Variants in SYN3 observed in about 807,000 individuals in gnomAD.
SYN3 encodes synapsin III.
Under a neutral mutation model 65.8 loss-of-function variants are expected in SYN3, and 35 were observed. The ratio of observed to expected loss-of-function variants is 0.53; its 90% CI spans 0.41 to 0.70. The LOEUF is 0.70. Ranked by LOEUF, SYN3 falls within the 30% of genes least tolerant of loss-of-function variation. The pLI is 0.00. For synonymous variants in SYN3, 270 were observed against 292.9 expected, an observed-to-expected ratio of 0.92 and a Z score of 0.80; for missense variants, 680 against 749.0, an observed-to-expected ratio of 0.91 and a Z score of 1.08.
At chr22:32,865,915 T>C (rs1038416633) in intron 5 of SYN3, among the ~76,000 whole-genome samples, 3 of 151,944 alleles carry the variant, frequency 2.0e-5, no homozygotes, top group Non-Finnish European at 4.4e-5. Flanking sequence ...GCAGACGACA[T>C]AAGAGAAGGA....
intron 3 of SYN3, among the ~76,000 whole-genome samples, chr22:32,961,808 G>A (rs940615718): frequency 6.6e-6 from 1 of 152,228 alleles, no homozygotes; most frequent in Admixed American, 6.5e-5. Flanking sequence ...TACATCCAAA[G>A]TTCCCTTAGT....
intron 6 of SYN3, chr22:32,802,237 G>A (rs1432243188): frequency 7.0e-7 from 1 of 1,424,044 alleles, no homozygotes; most frequent in East Asian, 2.7e-5. Context: ...GGGGCAGACG[G>A]GGTTGGGGCG....
chr22:32,533,624 C>T (rs565211508), intron 10 of SYN3, among the ~76,000 whole-genome samples, 169 bp downstream of exon 10: 1 of 152,296 alleles, frequency 6.6e-6, no homozygotes, highest in African/African-American at 2.4e-5. Context: ...CCTTTCGATG[C>T]CTCTGAGGGT....
intron 6 of SYN3, among the ~76,000 whole-genome samples, chr22:32,825,828 A>G (rs1206703983): frequency 6.6e-6 from 1 of 152,126 alleles, no homozygotes. Context: ...ACATTTCTGT[A>G]TCTATGCAAT....
intron 6 of SYN3, among the ~76,000 whole-genome samples, chr22:32,770,390 C>T (rs2045737089): frequency 6.6e-6 from 1 of 152,150 alleles, no homozygotes; most frequent in Admixed American, 6.5e-5. Flanking sequence ...AAAATAAACT[C>T]CTTACCATGA....
intron 3 of SYN3, among the ~76,000 whole-genome samples, chr22:32,964,984 C>A (rs1472091343): frequency 2.0e-5 from 3 of 152,080 alleles, no homozygotes; most frequent in Non-Finnish European, 4.4e-5. Context: ...TCGATCAGTC[C>A]CCATTCAACA....
At chr22:32,523,199 C>T (rs376938822) in intron 12 of SYN3, among the ~76,000 whole-genome samples, 1 of 152,162 alleles carries the variant, frequency 6.6e-6, no homozygotes, top group Non-Finnish European at 1.5e-5. Flanking sequence ...TTTTTGGGTG[C>T]CATGAACCAC....
chr22:32,999,391 T>C (rs985704519), intron 2 of SYN3, among the ~76,000 whole-genome samples: 3 of 151,988 alleles, frequency 2.0e-5, no homozygotes, highest in Non-Finnish European at 1.5e-5. Context: ...TCCTGCAGAA[T>C]AAACAGGACA....
At chr22:32,923,141 T>A (rs1440307353) in intron 4 of SYN3, among the ~76,000 whole-genome samples, 1 of 152,138 alleles carries the variant, frequency 6.6e-6, no homozygotes, top group Admixed American at 6.5e-5. Flanking sequence ...ACCGTATAAT[T>A]TCCCAGTCTA....
chr22:32,943,821 T>C (rs1484996388), intron 3 of SYN3, among the ~76,000 whole-genome samples: 2 of 152,172 alleles, frequency 1.3e-5, no homozygotes, highest in Non-Finnish European at 2.9e-5. Flanking sequence ...AAACAGACTT[T>C]AAACCGGCAA....
intron 1 of SYN3, among the ~76,000 whole-genome samples, chr22:33,026,101 G>T (rs1213899102): frequency 6.6e-6 from 1 of 152,174 alleles, no homozygotes; most frequent in Non-Finnish European, 1.5e-5. Context: ...CAGCCAAGAA[G>T]AGTGAACTCC....
At chr22:32,700,765 C>G (rs2060800934) in intron 6 of SYN3, among the ~76,000 whole-genome samples, 1 of 152,180 alleles carries the variant, frequency 6.6e-6, no homozygotes, top group East Asian at 1.9e-4. Context: ...TAGGAAGCAG[C>G]CTCAGCCCAG....
intron 4 of SYN3, among the ~76,000 whole-genome samples, chr22:32,879,606 A>G (rs773008409): frequency 3.3e-5 from 5 of 152,162 alleles, no homozygotes; most frequent in Admixed American, 2.6e-4. Flanking sequence ...ATGGCTAATC[A>G]CTTCCCAAAG....
chr22:32,845,177 C>A (rs1341440185), intron 6 of SYN3, among the ~76,000 whole-genome samples: 3 of 151,838 alleles, frequency 2.0e-5, no homozygotes, highest in African/African-American at 7.3e-5. Flanking sequence ...GCTTCTGTAC[C>A]TTGGAGACTA....
intron 6 of SYN3, among the ~76,000 whole-genome samples, chr22:32,806,406 A>G (rs1204018342): frequency 6.6e-6 from 1 of 152,206 alleles, no homozygotes; most frequent in Non-Finnish European, 1.5e-5. Flanking sequence ...ATTAAAAACA[A>G]AAACAACAAC....
chr22:32,859,675 A>T, intron 6 of SYN3: 3 of 376,758 alleles, frequency 8.0e-6, no homozygotes, highest in Middle Eastern at 7.5e-4. Context: ...TATAATCTCT[A>T]TTTTTTTAGG....
At chr22:32,794,708 C>A (rs2046391558) in intron 6 of SYN3, among the ~76,000 whole-genome samples, 2 of 152,114 alleles carry the variant, frequency 1.3e-5, no homozygotes, top group South Asian at 4.1e-4. Context: ...CCGGAGGACC[C>A]AGTGTGGGTG....
chr22:32,692,155 C>CAAAAAAAAAAAA (rs1188224009), intron 6 of SYN3, among the ~76,000 whole-genome samples: 1 of 34,494 alleles, frequency 2.9e-5, no homozygotes, highest in Non-Finnish European at 4.3e-5. Context: ...GACAAAAAGA[C>CAAAAAAAAAAAA]AAAAAAAAAA....
chr22:32,888,240 T>C (rs1057217414), intron 4 of SYN3, among the ~76,000 whole-genome samples: 2 of 152,192 alleles, frequency 1.3e-5, no homozygotes, highest in Non-Finnish European at 2.9e-5. Flanking sequence ...GATATAACTA[T>C]TATTCTAGAT....
Sources: gnomAD v4.1 joint callset for allele counts (sites outside exome capture counted in the v4.1 genomes callset) on GRCh38, gnomAD v4.1.1 for gene constraint, MANE v1.5 for transcripts, NCBI Gene and HGNC (gene_info 2026-07-23, HGNC 2026-07-21) for gene names.